The following BCAS3 variants were observed in gnomAD, a reference collection of about 807,000 sequenced individuals.
BCAS3 encodes the protein BCAS4/BCAS3 fusion.
Under a neutral mutation model 116.1 loss-of-function variants are expected in BCAS3, and 53 were observed. The ratio of observed to expected loss-of-function variants is 0.46; its 90% CI spans 0.37 to 0.57. The LOEUF is 0.57. Ranked by LOEUF, BCAS3 falls within the 20% of genes least tolerant of loss-of-function variation. BCAS3 has a pLI of 0.00. For missense variants in BCAS3, 917 were observed against 1,165.4 expected (o/e 0.79, Z 3.10); for synonymous variants, 391 against 408.2 (o/e 0.96, Z 0.51).
intron 22 of BCAS3, among the ~76,000 whole-genome samples, chr17:61,357,977 C>A (rs1022695910): frequency 7.2e-5 from 11 of 151,748 alleles, no homozygotes; most frequent in Admixed American, 7.2e-4. Context: ...AATCCCAGCT[C>A]CTTGGGATGC....
Position 61,171,308 on chromosome 17 carries a change from A to G in BCAS3, c.2425+86744A>G, listed in dbSNP as rs2078826981. Among the ~76,000 whole-genome samples the G allele has an allele frequency of 6.6e-6, 1 of 152,184 alleles. No homozygotes were observed. Among genetic ancestry groups the G allele is most frequent in the South Asian group, 2.1e-4 (1 of 4,828 alleles). On this transcript the variant is annotated intron_variant, in intron 22 of 23. Coordinates refer to ENST00000407086, the MANE Select transcript of BCAS3 (RefSeq NM_017679.5). This position sits in a 1 kb window ranked among gnomAD's most constrained non-coding sequence, Gnocchi z 4.1. ...TGTAGCTAATCAGTTAACAAATGAG[A>G]TAAAAATGGCATCCTAAAAATATTC...
intron 6 of BCAS3, among the ~76,000 whole-genome samples, chr17:60,764,579 GTTC>G (rs2043893621): frequency 6.6e-6 from 1 of 152,132 alleles, no homozygotes; most frequent in Non-Finnish European, 1.5e-5. Context: ...TGTGATTTCT[GTTC>G]TTCTATATTT....
rs1405265524 is a variant in BCAS3, at chr17:61,078,655, G to A, written c.2327+126G>A. 5.4e-6 allele frequency: 4 copies of A among 746,810 alleles called. No individual in the cohort carries two copies. In the African/African-American group the frequency reaches 7.1e-5, roughly 13 times the overall value. The allele number at this position is 746,810 out of a possible 1,614,324, so 46.3% of individuals were successfully genotyped here. A position where few individuals can be genotyped will look rare whatever the true frequency, so the allele number is the denominator to read the frequency against. On this transcript the variant is annotated intron_variant, in intron 21 of 23. Transcript: ENST00000407086. Reference sequence around the variant, plus strand: ...TATCATGTTGCAGACTACATGTACTGTTGCACGTAATTCCCTGTCATTACT... The same window carrying A: ...TATCATGTTGCAGACTACATGTACTATTGCACGTAATTCCCTGTCATTACT...
At chr17:60,766,137 C>T (rs1415274406) in intron 6 of BCAS3, among the ~76,000 whole-genome samples, 1 of 152,120 alleles carries the variant, frequency 6.6e-6, no homozygotes, top group Non-Finnish European at 1.5e-5. Context: ...CGAACATCCT[C>T]CTTTAGCTTG....
chr17:60,782,759 T>C (rs2045943799), intron 6 of BCAS3, among the ~76,000 whole-genome samples: 1 of 151,720 alleles, frequency 6.6e-6, no homozygotes, highest in African/African-American at 2.4e-5. Context: ...CTAATTTTTT[T>C]TTATTTTTAG....
In BCAS3 at chr17:60,880,300, G is replaced by A. The variant is rs543651816; in HGVS notation, c.661+5562G>A. Reference sequence around the variant, plus strand: ...TTTTTTTATTGTTGTTGTTGTTTGTGTTTTTTTGAGATGGAGTCTCGCTCT... The same window carrying A: ...TTTTTTTATTGTTGTTGTTGTTTGTATTTTTTTGAGATGGAGTCTCGCTCT... On this transcript the variant is annotated intron_variant, in intron 9 of 23. Transcript: ENST00000407086. Among the ~76,000 whole-genome samples, 198 of 151,408 alleles carry A rather than the reference G, an allele frequency of 1.3e-3. 1 individual carries two copies. Among genetic ancestry groups the A allele is most frequent in the African/African-American group, 4.3e-3 (176 of 41,250 alleles).
At chr17:61,016,307 G>A (rs978054340) in intron 16 of BCAS3, among the ~76,000 whole-genome samples, 3 of 152,004 alleles carry the variant, frequency 2.0e-5, no homozygotes, top group African/African-American at 7.3e-5. Flanking sequence ...CATCTTTTTA[G>A]TACTTTGAAA....
chr17:61,312,291 G>A (rs980676212), intron 22 of BCAS3, among the ~76,000 whole-genome samples: 6 of 152,308 alleles, frequency 3.9e-5, no homozygotes, highest in Non-Finnish European at 7.3e-5. Context: ...AGCAAGGAGT[G>A]GGGGAGGGTG....
At chr17:61,170,501 C>T (rs1295707444) in intron 22 of BCAS3, among the ~76,000 whole-genome samples, 1 of 151,804 alleles carries the variant, frequency 6.6e-6, no homozygotes, top group Non-Finnish European at 1.5e-5. Flanking sequence ...ACCGTGTTAG[C>T]CAGGATGGTC....
At chr17:61,182,944 A>T (rs941423991) in intron 22 of BCAS3, among the ~76,000 whole-genome samples, 5 of 152,110 alleles carry the variant, frequency 3.3e-5, no homozygotes, top group Admixed American at 3.3e-4. Flanking sequence ...CTTCCCTGTT[A>T]CTTTCAGTGT....
rs983948367 is a variant in BCAS3, at chr17:60,902,546, C to T, written c.739-74C>T. The T allele has an allele frequency of 2.4e-6, 3 of 1,239,494 alleles. No individual in the cohort carries two copies. The African/African-American group carries it at 4.5e-5, about 18-fold the overall frequency. 76.8% of individuals were successfully genotyped at this position (1,239,494 alleles called of 1,614,324 possible). Reference sequence around the variant, plus strand: ...CATCACTGTTCACGGAAAATAAGCTCTATCCTGATAGCCTGTAGAGTTAAA... The same window carrying T: ...CATCACTGTTCACGGAAAATAAGCTTTATCCTGATAGCCTGTAGAGTTAAA... On this transcript the variant is annotated intron_variant, in intron 10 of 23. Coordinates refer to ENST00000407086, the MANE Select transcript of BCAS3 (RefSeq NM_017679.5).
chr17:60,986,469 G>A (rs187844468), intron 14 of BCAS3, among the ~76,000 whole-genome samples: 9 of 152,250 alleles, frequency 5.9e-5, no homozygotes, highest in African/African-American at 1.7e-4. Context: ...TAGTGTATGA[G>A]GGTTCCCTTT....
At chr17:61,386,796 G>GTTTTTTTTTTTTTT (rs57275173) in intron 23 of BCAS3, among the ~76,000 whole-genome samples, 1 of 113,842 alleles carries the variant, frequency 8.8e-6, no homozygotes, top group African/African-American at 2.9e-5. Context: ...TTTGTTTTTT[G>GTTTTTTTTTTTTTT]TTTTTTTTTT....
chr17:61,274,253 G>A (rs1179748683), intron 22 of BCAS3, among the ~76,000 whole-genome samples: 1 of 135,690 alleles, frequency 7.4e-6, no homozygotes, highest in Admixed American at 7.2e-5. Flanking sequence ...AATGATGGTT[G>A]TGTTCACACT....
chr17:60,711,935 G>A (rs1389077021), intron 5 of BCAS3, among the ~76,000 whole-genome samples: 4 of 152,050 alleles, frequency 2.6e-5, no homozygotes, highest in Admixed American at 2.6e-4. Flanking sequence ...GCCAAGGCAG[G>A]CAGATCATTT....
At chr17:61,320,551 G>A (rs955771522) in intron 22 of BCAS3, among the ~76,000 whole-genome samples, 2 of 151,994 alleles carry the variant, frequency 1.3e-5, no homozygotes, top group East Asian at 2.0e-4. Flanking sequence ...GTGTGGTGGC[G>A]GGCGCCTGTA....
intron 13 of BCAS3, among the ~76,000 whole-genome samples, chr17:60,926,153 G>A (rs750813957): frequency 3.9e-5 from 6 of 152,076 alleles, no homozygotes; most frequent in Non-Finnish European, 7.4e-5. Context: ...TTTCTGTGAG[G>A]ATTTTGGTTT....
chr17:60,764,239 T>G (rs2043853136), intron 6 of BCAS3, among the ~76,000 whole-genome samples: 1 of 152,088 alleles, frequency 6.6e-6, no homozygotes, highest in African/African-American at 2.4e-5. Context: ...TTCTGCTAGC[T>G]TTTGAATGTG....
At chr17:61,174,641 A>G (rs925935893) in intron 22 of BCAS3, among the ~76,000 whole-genome samples, 6 of 152,206 alleles carry the variant, frequency 3.9e-5, no homozygotes, top group Non-Finnish European at 8.8e-5. Flanking sequence ...TCTCTTCAAC[A>G]CACTAATTTC....
Sources: gnomAD v4.1 joint callset for allele counts (sites outside exome capture counted in the v4.1 genomes callset) on GRCh38, gnomAD v4.1.1 for gene constraint, Gnocchi (gnomAD v3.1) non-coding constraint, MANE v1.5 for transcripts, NCBI Gene and HGNC (gene_info 2026-07-23, HGNC 2026-07-21) for gene names.